GPC5: variants seen among roughly 807,000 people sequenced by gnomAD.
GPC5 encodes the protein glypican 5.
A neutral mutation model predicts 53.9 loss-of-function variants in GPC5; 47 were observed. The ratio of observed to expected loss-of-function variants is 0.87; its 90% CI spans 0.69 to 1.11. GPC5 has a LOEUF of 1.11. Ranked by LOEUF, GPC5 falls within the 50% of genes most tolerant of loss-of-function variation. GPC5 has a pLI of 0.00. For missense variants in GPC5, 748 were observed against 713.1 expected, an observed-to-expected ratio of 1.05 and a Z score of -0.56; for synonymous variants, 286 against 263.3, an observed-to-expected ratio of 1.09 and a Z score of -0.84.
At chr13:92,713,328 C>A (rs1029677048) in intron 7 of GPC5, among the ~76,000 whole-genome samples, 3 of 151,448 alleles carry the variant, frequency 2.0e-5, no homozygotes, top group Non-Finnish European at 4.4e-5. Context: ...TGTGGTGGCT[C>A]ACGCTTGTAA....
chr13:91,794,549 G>A (rs1430029743), intron 5 of GPC5, among the ~76,000 whole-genome samples: 2 of 152,198 alleles, frequency 1.3e-5, no homozygotes, highest in African/African-American at 2.4e-5. Context: ...GATATTACAT[G>A]TCTGGCTGCT....
intron 6 of GPC5, among the ~76,000 whole-genome samples, chr13:91,984,468 C>T (rs1317134976): frequency 2.6e-5 from 4 of 152,156 alleles, no homozygotes; most frequent in Non-Finnish European, 5.9e-5. Flanking sequence ...GATTGTACAG[C>T]ACATCATCCT....
intron 2 of GPC5, among the ~76,000 whole-genome samples, chr13:91,455,230 T>C (rs1881457856): frequency 1.3e-5 from 2 of 152,104 alleles, no homozygotes; most frequent in African/African-American, 4.8e-5. Context: ...AGAAGCACAA[T>C]TGTGGTTTAT....
intron 2 of GPC5, among the ~76,000 whole-genome samples, chr13:91,461,649 A>G (rs538522647): frequency 1.4e-3 from 220 of 152,150 alleles, no homozygotes; most frequent in Admixed American, 4.5e-3. Flanking sequence ...TATATTAGCT[A>G]TTATTTATTT....
chr13:91,723,563 T>A (rs1479661433), intron 3 of GPC5, among the ~76,000 whole-genome samples: 1 of 152,072 alleles, frequency 6.6e-6, no homozygotes, highest in Non-Finnish European at 1.5e-5. Context: ...ATCATCCCGA[T>A]TACTAGGTTT....
chr13:92,683,602 T>G (rs569290594), intron 7 of GPC5, among the ~76,000 whole-genome samples: 1 of 152,290 alleles, frequency 6.6e-6, no homozygotes, highest in African/African-American at 2.4e-5. Context: ...TATGAAAAAT[T>G]TACTTTTTCT....
chr13:92,671,840 A>C (rs1229081998), intron 7 of GPC5, among the ~76,000 whole-genome samples: 1 of 152,232 alleles, frequency 6.6e-6, no homozygotes, highest in East Asian at 1.9e-4. Flanking sequence ...TCCATATTTA[A>C]AAAGGATAAA....
At chr13:92,013,605 G>A (rs1351677101) in intron 6 of GPC5, among the ~76,000 whole-genome samples, 1 of 152,108 alleles carries the variant, frequency 6.6e-6, no homozygotes, top group Non-Finnish European at 1.5e-5. Flanking sequence ...TTGGGCCATG[G>A]GTTTCAGGCT....
intron 7 of GPC5, among the ~76,000 whole-genome samples, chr13:92,531,807 A>G (rs1220241605): frequency 6.6e-6 from 1 of 152,180 alleles, no homozygotes; most frequent in Non-Finnish European, 1.5e-5. Context: ...ATATACTACC[A>G]TTTTTATATA....
At chr13:91,522,922 C>T (rs367866726) in intron 2 of GPC5, among the ~76,000 whole-genome samples, 5 of 152,138 alleles carry the variant, frequency 3.3e-5, no homozygotes, top group South Asian at 4.1e-4. Context: ...CATTGATGGA[C>T]GTTTGGGTTG....
chr13:92,684,658 T>C (rs1456127974), intron 7 of GPC5, among the ~76,000 whole-genome samples: 1 of 152,204 alleles, frequency 6.6e-6, no homozygotes, highest in Admixed American at 6.5e-5. Flanking sequence ...AAATGTACCT[T>C]GGTTGTTTCT....
intron 2 of GPC5, among the ~76,000 whole-genome samples, chr13:91,630,534 T>C (rs2034129564): frequency 6.6e-6 from 1 of 152,126 alleles, no homozygotes; most frequent in Admixed American, 6.6e-5. Context: ...GCTAGGTGGA[T>C]TTGCTAGCAA....
chr13:91,517,479 C>A (rs757758819), intron 2 of GPC5, among the ~76,000 whole-genome samples: 1 of 152,178 alleles, frequency 6.6e-6, no homozygotes, highest in East Asian at 1.9e-4. Context: ...TCAGCCTGGA[C>A]CTTATTGTTC....
intron 5 of GPC5, among the ~76,000 whole-genome samples, chr13:91,801,253 T>TTGTGTG (rs71113762): frequency 0.081 from 11,911 of 146,264 alleles, 652 homozygotes; most frequent in South Asian, 0.17. Context: ...CATCCATACT[T>TTGTGTG]TGTGTGTGTG....
intron 2 of GPC5, among the ~76,000 whole-genome samples, chr13:91,480,779 A>G (rs1302379119): frequency 6.6e-6 from 1 of 152,122 alleles, no homozygotes; most frequent in African/African-American, 2.4e-5. Flanking sequence ...TTATACCCTT[A>G]TTCTTTTGAG....
intron 6 of GPC5, among the ~76,000 whole-genome samples, chr13:92,036,989 T>G (rs1358351519): frequency 2.0e-5 from 3 of 152,198 alleles, no homozygotes; most frequent in African/African-American, 7.2e-5. Flanking sequence ...TAGTCAGTTT[T>G]TCAAGGAGCA....
At chr13:91,476,303 C>T (rs1882925702) in intron 2 of GPC5, among the ~76,000 whole-genome samples, 1 of 152,150 alleles carries the variant, frequency 6.6e-6, no homozygotes, top group Admixed American at 6.6e-5. Context: ...CTATCTTGTG[C>T]TGATAATCTT....
intron 2 of GPC5, among the ~76,000 whole-genome samples, chr13:91,530,189 G>T (rs1433057578): frequency 6.6e-6 from 1 of 152,172 alleles, no homozygotes; most frequent in Non-Finnish European, 1.5e-5. Flanking sequence ...TAACAAATGT[G>T]ACAGATCATC....
intron 6 of GPC5, among the ~76,000 whole-genome samples, chr13:92,140,231 T>C (rs780848235): frequency 1.3e-5 from 2 of 152,198 alleles, no homozygotes; most frequent in East Asian, 1.9e-4. Context: ...CATAAAGTCA[T>C]ACAATTTCTG....
Sources: gnomAD v4.1 joint callset for allele counts (sites outside exome capture counted in the v4.1 genomes callset) on GRCh38, gnomAD v4.1.1 for gene constraint, MANE v1.5 for transcripts, NCBI Gene and HGNC (gene_info 2026-07-23, HGNC 2026-07-21) for gene names.